Variants in SEMA3E observed in about 807,000 individuals in gnomAD.
SEMA3E encodes the protein semaphorin-3E.
A neutral mutation model predicts 93.6 loss-of-function variants in SEMA3E; 49 were observed. The ratio of observed to expected loss-of-function variants is 0.52; its 90% CI spans 0.42 to 0.66. The LOEUF (loss-of-function observed/expected upper bound fraction) is 0.66, where lower values mean the gene tolerates loss of function less well. Among genes scored for constraint, SEMA3E ranks in the 30% least tolerant of loss-of-function variants. SEMA3E has a pLI of 0.00. For synonymous variants in SEMA3E, 363 were observed against 330.7 expected, an observed-to-expected ratio of 1.10 and a Z score of -1.06; for missense variants, 906 against 964.8, an observed-to-expected ratio of 0.94 and a Z score of 0.81.
intron 1 of SEMA3E, among the ~76,000 whole-genome samples, chr7:83,596,098 GTTAC>G (rs1584353932): frequency 1.3e-5 from 2 of 151,720 alleles, no homozygotes; most frequent in East Asian, 1.9e-4. Flanking sequence ...TCTTTATTCA[GTTAC>G]TTATTTATAT....
At chr7:83,576,340 T>C (rs180971326) in intron 1 of SEMA3E, among the ~76,000 whole-genome samples, 2 of 152,256 alleles carry the variant, frequency 1.3e-5, no homozygotes, top group East Asian at 1.9e-4. Context: ...GAGTAACTCA[T>C]ATGCTAGTTA....
intron 1 of SEMA3E, among the ~76,000 whole-genome samples, chr7:83,623,896 C>T (rs527438544): frequency 2.0e-5 from 3 of 151,586 alleles, no homozygotes; most frequent in Non-Finnish European, 4.4e-5. Context: ...CCCAACAGGC[C>T]CCAGTGTGTG....
intron 1 of SEMA3E, among the ~76,000 whole-genome samples, chr7:83,491,137 A>G (rs561276946): frequency 6.6e-6 from 1 of 152,242 alleles, no homozygotes; most frequent in South Asian, 2.1e-4. Flanking sequence ...CATCTAACAG[A>G]GAATGTGAAT....
intron 5 of SEMA3E, among the ~76,000 whole-genome samples, chr7:83,409,545 T>C (rs1372875440): frequency 3.3e-5 from 5 of 152,264 alleles, no homozygotes; most frequent in Admixed American, 2.0e-4. Flanking sequence ...TTATATTACA[T>C]AGTACTAATG....
chr7:83,524,627 A>G (rs1791116797), intron 1 of SEMA3E, among the ~76,000 whole-genome samples: 2 of 152,186 alleles, frequency 1.3e-5, no homozygotes, highest in African/African-American at 4.8e-5. Flanking sequence ...TCCCTGAAAA[A>G]AAGTTATACA....
intron 4 of SEMA3E, among the ~76,000 whole-genome samples, chr7:83,452,565 C>T (rs1789388115): frequency 6.6e-6 from 1 of 152,138 alleles, no homozygotes; most frequent in Non-Finnish European, 1.5e-5. Flanking sequence ...CTGCCTCACA[C>T]ACAGGAAGGA....
intron 1 of SEMA3E, among the ~76,000 whole-genome samples, chr7:83,619,896 T>TAGACAGAC (rs1460148925): frequency 1.7e-5 from 2 of 119,640 alleles, no homozygotes; most frequent in South Asian, 3.0e-4. Context: ...GATAGATAGA[T>TAGACAGAC]AGATAGACAG....
chr7:83,622,267 AAACCATAAT>A (rs1793577175), intron 1 of SEMA3E, among the ~76,000 whole-genome samples: 1 of 137,336 alleles, frequency 7.3e-6, no homozygotes, highest in Admixed American at 7.1e-5. Context: ...ATGCAAATAA[AAACCATAAT>A]GAGATACCAT....
At position 83,402,708 on chromosome 7, in the gene SEMA3E, G is replaced by T. The variant is rs1161150954; in HGVS notation, c.1067C>A (p.Pro356Gln). Residue 356 changes from proline to glutamine, a missense_variant, in exon 10 of 17, where the codon CCA (proline) becomes CAA (glutamine). Physicochemically the swap from Pro to Gln is moderately conservative, Grantham distance 76. Transcript: ENST00000643230. ...TTCAGGTCCTTCCTTATGTGCATAT[G>T]GTCCGTTGAAGGCTGCCCGAATGCT... ...MSSIRAAFNG[P>Q]YAHKEGPEYH... 6 of 1,612,820 alleles carry T rather than the reference G, an allele frequency of 3.7e-6. No individual in the cohort carries two copies. In the East Asian group the frequency reaches 1.1e-4, roughly 30 times the overall value.
chr7:83,398,583 A>G (rs1430397429), intron 11 of SEMA3E, among the ~76,000 whole-genome samples: 2 of 152,214 alleles, frequency 1.3e-5, no homozygotes, highest in East Asian at 3.8e-4. Flanking sequence ...AATAAAATAC[A>G]GCCTGTACCA....
chr7:83,391,974 G>A (rs1208035053), intron 14 of SEMA3E, among the ~76,000 whole-genome samples: 1 of 152,076 alleles, frequency 6.6e-6, no homozygotes. Context: ...TGAGTGAAGA[G>A]ATATCCTTAT....
intron 1 of SEMA3E, among the ~76,000 whole-genome samples, chr7:83,562,975 C>T (rs1280240649): frequency 6.6e-6 from 1 of 152,152 alleles, no homozygotes; most frequent in Non-Finnish European, 1.5e-5. Context: ...CTCCTTTCTA[C>T]TACCGACTCC....
chr7:83,551,418 C>A (rs1166160881), intron 1 of SEMA3E, among the ~76,000 whole-genome samples: 1 of 151,852 alleles, frequency 6.6e-6, no homozygotes, highest in Admixed American at 6.6e-5. Context: ...TTATAAAGTA[C>A]CAAACCAAGC....
intron 1 of SEMA3E, among the ~76,000 whole-genome samples, chr7:83,570,995 A>C (rs145541751): frequency 7.9e-5 from 12 of 151,776 alleles, no homozygotes; most frequent in Admixed American, 7.9e-4. Context: ...GGTTGTGTGA[A>C]CCAGGGATGG....
In SEMA3E at chr7:83,396,685, T is replaced by G; in HGVS notation, c.1411A>C (p.Met471Leu). The change falls in exon 12 of 17, where the codon ATG becomes CTG. Residue 471 changes from methionine to leucine, a missense_variant. Met to Leu is a conservative substitution (Grantham distance 15). Coordinates refer to ENST00000643230, the MANE Select transcript of SEMA3E (RefSeq NM_012431.3). The stretch of plus-strand genomic sequence containing the variant: ...AGAATTACTTCTTCCATTGATTCCA[T>G]TTCTTGGTTGTAAATTGTGATTACT... ...LKVITIYNQE[M>L]ESMEEVILEE... is the part of the protein sequence containing the mutation. 1 of 1,609,132 alleles carries G rather than the reference T, an allele frequency of 6.2e-7. No individual in the cohort carries two copies. Among genetic ancestry groups the G allele is most frequent in the Non-Finnish European group, 8.5e-7 (1 of 1,176,704 alleles).
intron 1 of SEMA3E, among the ~76,000 whole-genome samples, chr7:83,528,399 A>T (rs1791211678): frequency 6.6e-6 from 1 of 152,166 alleles, no homozygotes; most frequent in South Asian, 2.1e-4. Context: ...AACTGATGAT[A>T]AGGACTGTTT....
chr7:83,533,300 G>C (rs902402690), intron 1 of SEMA3E, among the ~76,000 whole-genome samples: 2 of 152,118 alleles, frequency 1.3e-5, no homozygotes, highest in African/African-American at 4.8e-5. Context: ...CCAACACTTT[G>C]GGAGGCCAAG....
At chr7:83,404,923 A>T (rs1193374213) in intron 9 of SEMA3E, among the ~76,000 whole-genome samples, 1 of 151,948 alleles carries the variant, frequency 6.6e-6, no homozygotes, top group African/African-American at 2.4e-5. Context: ...ATAAAAATAT[A>T]GTAATGGGAA....
rs112419449 is a variant in SEMA3E at position 83,452,961 on chromosome 7, T to A, written c.456+13521A>T. Among the ~76,000 whole-genome samples the A allele has an allele frequency of 6.0e-3, 921 of 152,276 alleles. 14 individuals carry two copies. The highest frequency in any genetic ancestry group is 0.021 in the African/African-American group (878 of 41,564). ...CAATGTAGAAAATGGCATACTCCAA[T>A]GGATAAAATGCATAATTTCTTTTAA... On this transcript the variant is annotated intron_variant, in intron 4 of 16. Transcript: ENST00000643230.
Sources: gnomAD v4.1 joint callset for allele counts (sites outside exome capture counted in the v4.1 genomes callset) on GRCh38, gnomAD v4.1.1 for gene constraint, MANE v1.5 for transcripts, NCBI Gene and HGNC (gene_info 2026-07-23, HGNC 2026-07-21) for gene names.